DIP2B: variants seen among roughly 807,000 people sequenced by gnomAD.
The protein encoded by DIP2B is DIP2 acetate--CoA ligase B (putative), also known as disco-interacting protein 2 homolog B.
DIP2B carries 76 observed loss-of-function variants against 198.0 expected under a neutral mutation model. The ratio of observed to expected loss-of-function variants is 0.38; its 90% confidence interval spans 0.32 to 0.46. The LOEUF (loss-of-function observed/expected upper bound fraction) is 0.46, where lower values mean the gene tolerates loss of function less well. Ranked by LOEUF, DIP2B falls within the 20% of genes least tolerant of loss-of-function variation. The pLI is 0.99. For synonymous variants in DIP2B, 701 were observed against 739.1 expected (o/e 0.95, Z 0.84); for missense variants, 1,559 against 1,978.4 (o/e 0.79, Z 4.02).
At chr12:50,742,421 A>AAAAAAAAAAC (rs1940267007) in intron 37 of DIP2B, among the ~76,000 whole-genome samples, 1 of 79,454 alleles carries the variant, frequency 1.3e-5, no homozygotes, top group South Asian at 3.0e-4. Context: ...AAAAAAAAAA[A>AAAAAAAAAAC]ACCACCTCTG....
Position 50,511,946 on chromosome 12 carries a change from CAAAAAAAAAAAAA to C in DIP2B, c.100+6719_100+6731del, listed in dbSNP as rs1294473966. Among the ~76,000 whole-genome samples, 8 of 26,576 alleles carry C rather than the reference CAAAAAAAAAAAAA, an allele frequency of 3.0e-4. 1 individual carries two copies. In the South Asian group the frequency reaches 0.013, roughly 44 times the overall value. The allele number at this position is 26,576 out of a possible 152,430, so 17.4% of individuals were successfully genotyped here. On this transcript the variant is annotated intron_variant, in intron 1 of 37. Coordinates refer to ENST00000301180, the MANE Select transcript of DIP2B (RefSeq NM_173602.3). ...CTGGCAACAGAGCAAGACTCCGTCT[CAAAAAAAAAAAAA>C]AAAAAAAAAAAAGTAGAGACAAGGT...
In DIP2B at chr12:50,745,046, CAT is replaced by C. The variant is rs1462543380; in HGVS notation, c.*208_*209del. On this transcript the variant is annotated 3_prime_UTR_variant, in exon 38 of 38. Transcript: ENST00000301180. ...GAAAAAAATGTTAACATTTGGTAGA[CAT>C]GTGCTTTGACATAGCGTGAGCAGCA... is the stretch of plus-strand genomic sequence containing the variant. 1.5e-5 allele frequency: 10 copies of C among 649,376 alleles called. No homozygotes were observed. The highest frequency in any genetic ancestry group is 4.2e-4 in the Middle Eastern group (1 of 2,354). The allele number at this position is 649,376 out of a possible 1,614,324, so 40.2% of individuals were successfully genotyped here. A position where few individuals can be genotyped will look rare whatever the true frequency, so the allele number is the denominator to read the frequency against.
At chr12:50,723,366 T>A (rs762285804) in intron 27 of DIP2B, 43 bp downstream of exon 27, 1 of 1,607,982 alleles carries the variant, frequency 6.2e-7, no homozygotes, top group African/African-American at 1.3e-5. Context: ...TCTCCTAAAA[T>A]CCAGATTCAG....
At chr12:50,622,764 A>G (rs1565848240) in intron 1 of DIP2B, among the ~76,000 whole-genome samples, 1 of 152,148 alleles carries the variant, frequency 6.6e-6, no homozygotes, top group Non-Finnish European at 1.5e-5. Context: ...GGCACGCGCC[A>G]CCACTCTCAG....
chr12:50,578,504 C>CTTTTTTTT (rs62685162), intron 1 of DIP2B, among the ~76,000 whole-genome samples: 3 of 111,604 alleles, frequency 2.7e-5, no homozygotes, highest in Non-Finnish European at 5.3e-5. Context: ...GTTATTTGCT[C>CTTTTTTTT]TTTTTTTTTT....
At chr12:50,600,983 A>G (rs369731147) in intron 1 of DIP2B, among the ~76,000 whole-genome samples, 3 of 148,816 alleles carry the variant, frequency 2.0e-5, no homozygotes, top group African/African-American at 7.5e-5. Context: ...CACATTCTCA[A>G]CTGGGTCTGC....
At chr12:50,714,823 A>G (rs1939684792) in intron 23 of DIP2B, among the ~76,000 whole-genome samples, 1 of 152,176 alleles carries the variant, frequency 6.6e-6, no homozygotes, top group Non-Finnish European at 1.5e-5. Context: ...GCACACCTGT[A>G]GTCTCAGCTA....
At position 50,579,029 on chromosome 12, in the gene DIP2B, T is replaced by C. The variant is rs763335839; in HGVS notation, c.101-46947T>C. 4.5e-4 allele frequency among the ~76,000 whole-genome samples: 68 copies of C among 152,288 alleles called. 1 individual carries two copies. The highest frequency in any genetic ancestry group is 7.4e-4 in the Non-Finnish European group (50 of 68,018). On this transcript the variant is annotated intron_variant, in intron 1 of 37. Coordinates refer to ENST00000301180, the MANE Select transcript of DIP2B (RefSeq NM_173602.3). ...GTCCATGCACTCACGGTAAAAGATA[T>C]TGATTTTAGTACATCTTAATGCCTG... is the stretch of plus-strand genomic sequence containing the variant.
chr12:50,608,349 C>A (rs932744538), intron 1 of DIP2B, among the ~76,000 whole-genome samples: 1 of 152,056 alleles, frequency 6.6e-6, no homozygotes, highest in Non-Finnish European at 1.5e-5. Flanking sequence ...ACACTAGGTG[C>A]GGTGGGTCAC....
At chr12:50,712,899 C>G (rs1410996361) in intron 22 of DIP2B, among the ~76,000 whole-genome samples, 10 of 152,012 alleles carry the variant, frequency 6.6e-5, no homozygotes, top group Non-Finnish European at 1.5e-4. Flanking sequence ...CAATGCAAGA[C>G]TCTGTCTCAA....
intron 1 of DIP2B, among the ~76,000 whole-genome samples, chr12:50,507,274 A>G (rs755380876): frequency 2.0e-5 from 3 of 152,204 alleles, no homozygotes; most frequent in Non-Finnish European, 4.4e-5. Flanking sequence ...GCAATGGATG[A>G]CTGGAAAAAA....
At chr12:50,667,825 G>C (rs1938782849) in intron 4 of DIP2B, among the ~76,000 whole-genome samples, 2 of 152,166 alleles carry the variant, frequency 1.3e-5, no homozygotes, top group Non-Finnish European at 2.9e-5. Flanking sequence ...CATTCTCCTG[G>C]GGATTAGAAG....
At chr12:50,739,654 C>T (rs1940204686) in intron 36 of DIP2B, 68 bp downstream of exon 36, 2 of 1,576,342 alleles carry the variant, frequency 1.3e-6, no homozygotes, top group South Asian at 1.1e-5. Context: ...CCTCCTTCAG[C>T]CTGCGTTGGA....
At chr12:50,729,721 C>CT (rs971061380) in intron 30 of DIP2B, among the ~76,000 whole-genome samples, 11 of 144,910 alleles carry the variant, frequency 7.6e-5, no homozygotes, top group Admixed American at 1.4e-4. Flanking sequence ...GTCCTTTTTT[C>CT]TTTTTTTTCT....
At chr12:50,695,736 C>G in intron 15 of DIP2B, 112 bp from the exon 16 acceptor site, 2 of 1,453,914 alleles carry the variant, frequency 1.4e-6, no homozygotes, top group Non-Finnish European at 1.9e-6. Flanking sequence ...TTTTTATCTT[C>G]TCCAAGCAAA....
intron 1 of DIP2B, among the ~76,000 whole-genome samples, chr12:50,551,253 A>G (rs964604069): frequency 2.0e-5 from 3 of 152,094 alleles, no homozygotes; most frequent in Non-Finnish European, 4.4e-5. Flanking sequence ...GCGAAACCCC[A>G]TCTCTACTAA....
chr12:50,650,797 GTTT>G (rs1250212917), intron 3 of DIP2B, among the ~76,000 whole-genome samples: 2 of 152,114 alleles, frequency 1.3e-5, no homozygotes, highest in African/African-American at 4.8e-5. Context: ...TTGAGATCCT[GTTT>G]TCGGTTTATT....
At chr12:50,603,681 C>T (rs1958958221) in intron 1 of DIP2B, among the ~76,000 whole-genome samples, 1 of 151,866 alleles carries the variant, frequency 6.6e-6, no homozygotes, top group African/African-American at 2.4e-5. Context: ...ATGATCATAC[C>T]ACTGCACTCC....
At chr12:50,525,766 G>A (rs1396345061) in intron 1 of DIP2B, among the ~76,000 whole-genome samples, 1 of 152,006 alleles carries the variant, frequency 6.6e-6, no homozygotes, top group Non-Finnish European at 1.5e-5. Context: ...TCCCACCTTG[G>A]CCTCCCAAAG....
Sources: gnomAD v4.1 joint callset for allele counts (sites outside exome capture counted in the v4.1 genomes callset) on GRCh38, gnomAD v4.1.1 for gene constraint, MANE v1.5 for transcripts, NCBI Gene and HGNC (gene_info 2026-07-23, HGNC 2026-07-21) for gene names.